The following LAMP3 variants were observed in gnomAD, a reference collection of about 807,000 sequenced individuals.
LAMP3 encodes lysosome associated membrane protein 3, also known as lysosome-associated membrane glycoprotein 3.
A neutral mutation model predicts 34.8 loss-of-function variants in LAMP3; 26 were observed. That is an observed-to-expected ratio of 0.75 (90% CI 0.55 to 1.04). LAMP3 has a LOEUF of 1.04. Ranked by LOEUF, LAMP3 falls within the 50% of genes least tolerant of loss-of-function variation. The probability of loss-of-function intolerance (pLI) is 0.00; values close to 1 mark genes in which losing one functional copy is unlikely to be tolerated. For synonymous variants in LAMP3, 180 were observed against 201.9 expected (o/e 0.89, Z 0.92); for missense variants, 495 against 524.0 (o/e 0.94, Z 0.54).
At position 183,154,281 on chromosome 3, in the gene LAMP3, G is replaced by T; in HGVS notation, c.160C>A (p.Gln54Lys). 6.2e-7 allele frequency: 1 copy of T among 1,614,132 alleles called. No homozygotes were observed. The highest frequency in any genetic ancestry group is 8.5e-7 in the Non-Finnish European group (1 of 1,180,006). The change falls in exon 2 of 6, where the codon CAA (glutamine) becomes AAA (lysine). Residue 54 changes from glutamine (Q) to lysine (K), a missense_variant. Gln to Lys is a moderately conservative substitution (Grantham distance 53). Transcript: ENST00000265598. ...TVQDIKKPVQ[Q>K]PAKQAPHQTL... ...TGGTGAGGTGCTTGCTTAGCTGGTT[G>T]CTGGACAGGTTTTTTTATGTCCTGT...
Position 183,154,299 on chromosome 3 carries a change from T to C in LAMP3, c.142A>G (p.Ile48Val), listed in dbSNP as rs375653234. 3.8e-5 allele frequency: 62 copies of C among 1,614,038 alleles called. No individual in the cohort carries two copies. In the African/African-American group the frequency reaches 7.6e-4, roughly 20 times the overall value. ...QPTAAATVQD[I>V]KKPVQQPAKQ... ...GCTGGTTGCTGGACAGGTTTTTTTATGTCCTGTACTGTTGCTGCTGCAGTA... is the reference window on the plus strand; with the variant it reads ...GCTGGTTGCTGGACAGGTTTTTTTACGTCCTGTACTGTTGCTGCTGCAGTA... The change falls in exon 2 of 6, where the codon ATA becomes GTA. Residue 48 changes from isoleucine (I) to valine (V), a missense_variant. Coordinates refer to ENST00000265598, the MANE Select transcript of LAMP3 (RefSeq NM_014398.4).
At chr3:183,157,091 G>C (rs1720843722) in intron 1 of LAMP3, among the ~76,000 whole-genome samples, 1 of 152,192 alleles carries the variant, frequency 6.6e-6, no homozygotes, top group South Asian at 2.1e-4. Context: ...AAGCCCAGTA[G>C]TAAGACCTGT....
At chr3:183,137,806 C>T (rs1414946414) in intron 4 of LAMP3, among the ~76,000 whole-genome samples, 1 of 151,590 alleles carries the variant, frequency 6.6e-6, no homozygotes, top group African/African-American at 2.4e-5. Flanking sequence ...TTTGATCAGA[C>T]TTCCCCTTCC....
intron 3 of LAMP3, among the ~76,000 whole-genome samples, chr3:183,146,283 T>C (rs750503641): frequency 4.8e-4 from 73 of 152,188 alleles, no homozygotes; most frequent in Admixed American, 1.6e-3. Flanking sequence ...CACAAAGACT[T>C]ATCTGGCCTC....
chr3:183,163,031 C>G (rs756487278), upstream of LAMP3: 4 of 190,284 alleles, frequency 2.1e-5, no homozygotes, highest in Non-Finnish European at 4.3e-5. Context: ...GATCTCGGCT[C>G]ACTACAACCT....
At chr3:183,127,249 T>A (rs1719802404) in intron 5 of LAMP3, among the ~76,000 whole-genome samples, 1 of 152,032 alleles carries the variant, frequency 6.6e-6, no homozygotes, top group Non-Finnish European at 1.5e-5. Context: ...TCCTCCCACC[T>A]CAGCTTCTCA....
chr3:183,139,144 C>T (rs914788339), intron 4 of LAMP3, among the ~76,000 whole-genome samples: 10 of 152,176 alleles, frequency 6.6e-5, no homozygotes, highest in African/African-American at 2.2e-4. Context: ...AATCCCAGCA[C>T]TTTGGGAGGC....
intron 3 of LAMP3, among the ~76,000 whole-genome samples, chr3:183,143,456 AG>A (rs1177747057): frequency 6.6e-6 from 1 of 152,156 alleles, no homozygotes; most frequent in African/African-American, 2.4e-5. Flanking sequence ...GTAAAGGAAA[AG>A]TATCTGTTAG....
chr3:183,147,738 G>T (rs911377515), intron 3 of LAMP3, among the ~76,000 whole-genome samples: 1 of 151,944 alleles, frequency 6.6e-6, no homozygotes, highest in South Asian at 2.1e-4. Context: ...TTTTAGAAAC[G>T]GAGTCTCACT....
intron 3 of LAMP3, among the ~76,000 whole-genome samples, chr3:183,145,210 G>A (rs999410227): frequency 5.3e-5 from 8 of 152,164 alleles, no homozygotes; most frequent in Non-Finnish European, 1.0e-4. Context: ...ACAACTTTCA[G>A]CATGTCACCC....
At chr3:183,139,629 G>A (rs1015229262) in intron 4 of LAMP3, among the ~76,000 whole-genome samples, 1 of 152,156 alleles carries the variant, frequency 6.6e-6, no homozygotes. Context: ...TAGAAAAATT[G>A]TCACACTACA....
chr3:183,125,512 A>G (rs1158686373), intron 5 of LAMP3, among the ~76,000 whole-genome samples: 2 of 152,236 alleles, frequency 1.3e-5, no homozygotes, highest in Admixed American at 6.5e-5. Flanking sequence ...ATTTACCCAA[A>G]AATAGTTGTG....
chr3:183,154,146 G>A lies in LAMP3; in HGVS notation c.295C>T (p.Pro99Ser). The change falls in exon 2 of 6, where the codon CCA becomes TCA. Residue 99 changes from proline (P) to serine (S), a missense_variant. Physicochemically the swap from Pro to Ser is moderately conservative, Grantham distance 74. Transcript: ENST00000265598. ...ATTKNTATTS[P>S]ITYTLVTTQA... Reference sequence around the variant, plus strand: ...GTTGTGACCAGGGTGTAGGTAATTGGGCTGGTGGTTGCAGTGTTTTTTGTA... The same window carrying A: ...GTTGTGACCAGGGTGTAGGTAATTGAGCTGGTGGTTGCAGTGTTTTTTGTA... The A allele has an allele frequency of 6.2e-7, 1 of 1,613,904 alleles. No individual in the cohort carries two copies. The highest frequency in any genetic ancestry group is 8.5e-7 in the Non-Finnish European group (1 of 1,179,872).
upstream of LAMP3, chr3:183,162,905 G>T (rs928057338): frequency 2.0e-5 from 10 of 490,072 alleles, no homozygotes; most frequent in Non-Finnish European, 3.2e-5. Context: ...TACCGCACGC[G>T]CGTGGTCCCG....
At chr3:183,141,967 C>T (rs1054587240) in intron 3 of LAMP3, among the ~76,000 whole-genome samples, 10 of 152,190 alleles carry the variant, frequency 6.6e-5, no homozygotes, top group Non-Finnish European at 1.0e-4. Flanking sequence ...ATACCCACTC[C>T]ATGCCAGGGA....
In LAMP3 at chr3:183,148,703, G is replaced by A. The variant is rs575466396; in HGVS notation, c.888+3672C>T. On this transcript the variant is annotated intron_variant, in intron 3 of 5. Transcript: ENST00000265598. ...CAAAAGATAGGCAATAACAAATGCT[G>A]GTGAGGATGTGGAGAAAAGGGAACC... 1.1e-4 allele frequency among the ~76,000 whole-genome samples: 17 copies of A among 152,284 alleles called. No individual in the cohort carries two copies. The South Asian group carries it at 2.7e-3, about 24-fold the overall frequency.
intron 2 of LAMP3, among the ~76,000 whole-genome samples, chr3:183,153,279 C>T (rs1720712962): frequency 6.6e-6 from 1 of 151,886 alleles, no homozygotes; most frequent in Non-Finnish European, 1.5e-5. Context: ...TGTGGATTTC[C>T]ACATTAATGT....
chr3:183,143,117 C>CT (rs1047842584), intron 3 of LAMP3, among the ~76,000 whole-genome samples: 14 of 151,332 alleles, frequency 9.3e-5, no homozygotes, highest in African/African-American at 1.9e-4. Flanking sequence ...TGATGTCTAG[C>CT]TTTTTTTTTG....
chr3:183,131,618 G>A (rs113188747), intron 5 of LAMP3, among the ~76,000 whole-genome samples: 69 of 152,268 alleles, frequency 4.5e-4, no homozygotes, highest in African/African-American at 1.5e-3. Context: ...CCTCCCCACA[G>A]CCCCAATTCT....
Sources: gnomAD v4.1 joint callset for allele counts (sites outside exome capture counted in the v4.1 genomes callset) on GRCh38, gnomAD v4.1.1 for gene constraint, MANE v1.5 for transcripts, NCBI Gene and HGNC (gene_info 2026-07-23, HGNC 2026-07-21) for gene names.